Variants in SHISA6 observed in about 807,000 individuals in gnomAD.
SHISA6 encodes the protein shisa family member 6, also known as protein shisa-6.
Under a neutral mutation model 47.9 loss-of-function variants are expected in SHISA6, and 22 were observed. The ratio of observed to expected loss-of-function variants is 0.46; its 90% confidence interval spans 0.33 to 0.66. The LOEUF is 0.66. Among genes scored for constraint, SHISA6 ranks in the 30% least tolerant of loss-of-function variants. The probability of loss-of-function intolerance (pLI) is 0.02; values close to 1 mark genes in which losing one functional copy is unlikely to be tolerated. For missense variants in SHISA6, 680 were observed against 764.6 expected (o/e 0.89, Z 1.30); for synonymous variants, 388 against 337.8 (o/e 1.15, Z -1.63).
intron 2 of SHISA6, among the ~76,000 whole-genome samples, chr17:11,368,653 GTTAT>G (rs547012792): frequency 4.9e-4 from 74 of 152,026 alleles, no homozygotes; most frequent in African/African-American, 1.7e-3. Flanking sequence ...CGTTTGTTCG[GTTAT>G]TTATTTATTT....
chr17:11,471,337 C>A (rs761497861), intron 3 of SHISA6, among the ~76,000 whole-genome samples: 24 of 152,276 alleles, frequency 1.6e-4, no homozygotes, highest in Non-Finnish European at 2.9e-4. Context: ...CAACTGACTT[C>A]CTTGTCAGTC....
chr17:11,406,529 C>T (rs905387967), intron 3 of SHISA6, among the ~76,000 whole-genome samples: 4 of 152,144 alleles, frequency 2.6e-5, no homozygotes, highest in Admixed American at 6.5e-5. Context: ...CTCTTTGCTC[C>T]GTGGAAATGT....
intron 2 of SHISA6, among the ~76,000 whole-genome samples, chr17:11,368,652 G>A (rs930784032): frequency 2.6e-5 from 4 of 151,852 alleles, no homozygotes; most frequent in African/African-American, 7.3e-5. Flanking sequence ...TCGTTTGTTC[G>A]GTTATTTATT....
intron 3 of SHISA6, among the ~76,000 whole-genome samples, chr17:11,400,969 G>A (rs944615236): frequency 6.6e-6 from 1 of 152,166 alleles, no homozygotes. Flanking sequence ...GTTCTTGTCT[G>A]TGGTCTCCTA....
chr17:11,316,734 A>G (rs1390675186), intron 2 of SHISA6, among the ~76,000 whole-genome samples: 1 of 151,968 alleles, frequency 6.6e-6, no homozygotes, highest in Non-Finnish European at 1.5e-5. Context: ...CTTCTCTTTT[A>G]TGTAGACTTA....
intron 2 of SHISA6, among the ~76,000 whole-genome samples, chr17:11,342,630 C>T (rs1911575396): frequency 6.6e-6 from 1 of 152,210 alleles, no homozygotes; most frequent in African/African-American, 2.4e-5. Context: ...GCAGTGGGTA[C>T]AGTTGTAGGA....
intron 3 of SHISA6, among the ~76,000 whole-genome samples, chr17:11,429,001 G>A (rs987037968): frequency 1.3e-5 from 2 of 152,092 alleles, no homozygotes; most frequent in Middle Eastern, 3.4e-3. Flanking sequence ...AGCCAGGATG[G>A]TCTCATCTGG....
At position 11,562,374 on chromosome 17, in the gene SHISA6, T is replaced by C. The variant is rs2072052721; in HGVS notation, c.*4070T>C. On this transcript the variant is annotated 3_prime_UTR_variant, in exon 6 of 6. Coordinates refer to ENST00000441885, the MANE Select transcript of SHISA6 (RefSeq NM_207386.4). ...CCCTGAGAAGAGCTGGCATGTTACC[T>C]CCCACATACATTTCCTGTCATCCTG... is the stretch of plus-strand genomic sequence containing the variant. 2 of 152,062 alleles carry C rather than the reference T, an allele frequency of 1.3e-5. No homozygotes were observed. The highest frequency in any genetic ancestry group is 4.2e-4 in the South Asian group (2 of 4,818). The allele number at this position is 152,062 out of a possible 1,614,324, so 9.4% of individuals were successfully genotyped here.
chr17:11,422,677 C>T (rs183106463), intron 3 of SHISA6, among the ~76,000 whole-genome samples: 69 of 151,524 alleles, frequency 4.6e-4, no homozygotes, highest in African/African-American at 1.4e-3. Context: ...CACAGAGAAT[C>T]GATGGAACCC....
chr17:11,312,375 TCTCA>T (rs1264579309), intron 2 of SHISA6, among the ~76,000 whole-genome samples: 1 of 152,200 alleles, frequency 6.6e-6, no homozygotes, highest in East Asian at 1.9e-4. Flanking sequence ...TATGTATTAT[TCTCA>T]CTGTTTGTTA....
At chr17:11,505,778 C>A (rs971413567) in intron 3 of SHISA6, among the ~76,000 whole-genome samples, 4 of 152,240 alleles carry the variant, frequency 2.6e-5, no homozygotes, top group African/African-American at 4.8e-5. Flanking sequence ...TGAGTACCTT[C>A]TTTGTGAACC....
chr17:11,245,207 G>A (rs1247827503), intron 1 of SHISA6, among the ~76,000 whole-genome samples: 2 of 152,250 alleles, frequency 1.3e-5, no homozygotes, highest in Non-Finnish European at 2.9e-5. Context: ...GGAGGAGGAA[G>A]AGATGGGCAC....
rs553599962 is a variant in SHISA6 at position 11,414,922 on chromosome 17, C to T, written c.895+35413C>T. ...CCAAGATGGTGAAACCCCGTCTCTACTAAAAATACAAAAATTAGCCGGGCG... is the reference window on the plus strand; with the variant it reads ...CCAAGATGGTGAAACCCCGTCTCTATTAAAAATACAAAAATTAGCCGGGCG... On this transcript the variant is annotated intron_variant, in intron 3 of 5. Coordinates refer to ENST00000441885, the MANE Select transcript of SHISA6 (RefSeq NM_207386.4). Among the ~76,000 whole-genome samples, 282 of 152,074 alleles carry T rather than the reference C, an allele frequency of 1.9e-3. 3 individuals carry two copies. Among genetic ancestry groups the T allele is most frequent in the South Asian group, 0.011 (52 of 4,814 alleles).
intron 3 of SHISA6, among the ~76,000 whole-genome samples, chr17:11,483,018 C>T (rs1380765927): frequency 6.6e-6 from 1 of 151,722 alleles, no homozygotes; most frequent in African/African-American, 2.4e-5. Context: ...AAGCAGAAAA[C>T]CGGCCAGGCA....
intron 3 of SHISA6, among the ~76,000 whole-genome samples, chr17:11,397,565 G>GTT (rs954187607): frequency 3.9e-5 from 6 of 152,020 alleles, no homozygotes; most frequent in African/African-American, 1.4e-4. Flanking sequence ...TGAAACTGTT[G>GTT]TTTTACGTAC....
intron 2 of SHISA6, among the ~76,000 whole-genome samples, chr17:11,276,421 G>A (rs1043998134): frequency 6.6e-6 from 1 of 151,818 alleles, no homozygotes; most frequent in Non-Finnish European, 1.5e-5. Context: ...CTTTCTTCAG[G>A]GTTTATTTTT....
intron 3 of SHISA6, among the ~76,000 whole-genome samples, chr17:11,517,642 C>T (rs2071596619): frequency 2.0e-5 from 3 of 152,052 alleles, no homozygotes. Context: ...AGCTGGACCA[C>T]AGGCATGTGC....
intron 3 of SHISA6, among the ~76,000 whole-genome samples, chr17:11,435,400 T>C (rs1028579117): frequency 3.9e-5 from 6 of 152,124 alleles, no homozygotes; most frequent in Non-Finnish European, 8.8e-5. Flanking sequence ...CAATTATATC[T>C]GTCCTCAGTA....
chr17:11,346,808 G>A (rs1387700397), intron 2 of SHISA6, among the ~76,000 whole-genome samples: 1 of 152,164 alleles, frequency 6.6e-6, no homozygotes, highest in Non-Finnish European at 1.5e-5. Context: ...TCAACAAACT[G>A]ATGATGACAT....
Sources: gnomAD v4.1 joint callset for allele counts (sites outside exome capture counted in the v4.1 genomes callset) on GRCh38, gnomAD v4.1.1 for gene constraint, MANE v1.5 for transcripts, NCBI Gene and HGNC (gene_info 2026-07-23, HGNC 2026-07-21) for gene names.